The following CXCL16 variants were observed in gnomAD, a reference collection of about 807,000 sequenced individuals.
CXCL16 encodes the protein C-X-C motif chemokine ligand 16, also known as C-X-C motif chemokine 16.
In CXCL16, 18 loss-of-function variants were observed where a neutral mutation model predicts 23.8. That is an observed-to-expected ratio of 0.76 (90% CI 0.52 to 1.12). The LOEUF (loss-of-function observed/expected upper bound fraction) is 1.12, where lower values mean the gene tolerates loss of function less well. Ranked by LOEUF, CXCL16 falls within the 50% of genes most tolerant of loss-of-function variation. CXCL16 has a pLI of 0.00. For synonymous variants in CXCL16, 123 were observed against 132.5 expected (o/e 0.93, Z 0.49); for missense variants, 297 against 315.4 (o/e 0.94, Z 0.44).
chr17:4,735,240 C>T lies in CXCL16; in HGVS notation c.570G>A (p.Lys190=), dbSNP rs766507989. ...TGGGACCAGCATTTTTTTCCGGCTGCTTCTGGTTCTCCCCAGCCTCAGGCC... is the reference window on the plus strand; with the variant it reads ...TGGGACCAGCATTTTTTTCCGGCTGTTTCTGGTTCTCCCCAGCCTCAGGCC... ...AAGPEAGENQ[K]QPEKNAGPTA... The change falls in exon 4 of 6, where the codon AAG becomes AAA. Residue 190 remains lysine, a synonymous_variant. Transcript: ENST00000293778. 20 of 1,613,782 alleles carry T rather than the reference C, an allele frequency of 1.2e-5. No individual in the cohort carries two copies. Among genetic ancestry groups the T allele is most frequent in the Admixed American group, 3.3e-5 (2 of 59,932 alleles).
In CXCL16 at chr17:4,739,584, C is replaced by A; in HGVS notation, c.-245G>T. On this transcript the variant is annotated 5_prime_UTR_variant, in exon 1 of 6. Coordinates refer to ENST00000293778, the MANE Select transcript of CXCL16 (RefSeq NM_001386809.1). This position sits in a 1 kb window ranked among gnomAD's most constrained non-coding sequence, Gnocchi z 5.3. ...GGGAAAGCCGAGGAGGTGGAGCTCC[C>A]GCGCCCTGCGCCCCCGCACTGGGCC... 1.5e-6 allele frequency: 1 copy of A among 664,222 alleles called. No homozygotes were observed. The highest frequency in any genetic ancestry group is 2.1e-5 in the South Asian group (1 of 47,748). 41.1% of individuals were successfully genotyped at this position (664,222 alleles called of 1,614,324 possible). A position where few individuals can be genotyped will look rare whatever the true frequency, so the allele number is the denominator to read the frequency against.
chr17:4,735,032 C>G, intron 4 of CXCL16, 60 bp downstream of exon 4: 5 of 1,509,654 alleles, frequency 3.3e-6, no homozygotes, highest in Non-Finnish European at 4.5e-6. Context: ...GCCACTGGGT[C>G]AGGATGCCTG....
Position 4,739,292 on chromosome 17 carries a change from AAGCAGG to A in CXCL16, c.42_47del (p.Leu19_Leu20del). 1 of 1,610,516 alleles carries A rather than the reference AAGCAGG, an allele frequency of 6.2e-7. No homozygotes were observed. The highest frequency in any genetic ancestry group is 1.7e-4 in the Middle Eastern group (1 of 6,026). ...GAGTCAGGTACACCAGCAGGAGCAGAAGCAGGAGCAGGAGCACGCGGGACCCGGGCC... is the reference window on the plus strand; with the variant it reads ...GAGTCAGGTACACCAGCAGGAGCAGAAGCAGGAGCACGCGGGACCCGGGCC... On this transcript the variant is annotated inframe_deletion, in exon 1 of 6. Coordinates refer to ENST00000293778, the MANE Select transcript of CXCL16 (RefSeq NM_001386809.1). The surrounding 1 kb of genome is among the most constrained non-coding windows in gnomAD (Gnocchi z 5.3).
intron 3 of CXCL16, among the ~76,000 whole-genome samples, chr17:4,737,300 G>C (rs780770624): frequency 1.3e-5 from 2 of 151,734 alleles, no homozygotes; most frequent in Admixed American, 1.3e-4. Flanking sequence ...TCAAGAGGCC[G>C]GGCACTGCGG....
chr17:4,735,695 C>T (rs1200909337), intron 3 of CXCL16, among the ~76,000 whole-genome samples, 187 bp from the exon 4 acceptor site: 5 of 138,978 alleles, frequency 3.6e-5, no homozygotes, highest in African/African-American at 8.2e-5. Flanking sequence ...TTTTACATGA[C>T]ATAGGAACCT....
At position 4,738,728 on chromosome 17, in the gene CXCL16, A is replaced by C. The variant is rs1916239818; in HGVS notation, c.218+54T>G. On this transcript the variant is annotated intron_variant, in intron 2 of 5. Transcript: ENST00000293778. This position sits in a 1 kb window ranked among gnomAD's most constrained non-coding sequence, Gnocchi z 4.0. ...CTGGACCAGAGAGGGTCCTGGAGGC[A>C]CCTGCAAGGAGGGGCCGCCCAGGCG... The C allele has an allele frequency of 2.5e-6, 4 of 1,582,128 alleles. No individual in the cohort carries two copies. Among genetic ancestry groups the C allele is most frequent in the Non-Finnish European group, 3.5e-6 (4 of 1,155,502 alleles).
rs1916091496 is a variant in CXCL16 at position 4,734,488 on chromosome 17, CA to C, written c.*24-10del. 2.4e-6 allele frequency: 2 copies of C among 826,208 alleles called. No homozygotes were observed. The highest frequency in any genetic ancestry group is 4.0e-6 in the Non-Finnish European group (2 of 503,708). 51.2% of individuals were successfully genotyped at this position (826,208 alleles called of 1,614,324 possible). A position where few individuals can be genotyped will look rare whatever the true frequency, so the allele number is the denominator to read the frequency against. ...CAACATAGAGTCCGTCTCTAAAAAA[CA>C]AAAAACAAAAACAAGTATGTATACA... On this transcript the variant is annotated splice_polypyrimidine_tract_variant and intron_variant, in intron 5 of 5. Coordinates refer to ENST00000293778, the MANE Select transcript of CXCL16 (RefSeq NM_001386809.1).
intron 3 of CXCL16, among the ~76,000 whole-genome samples, chr17:4,737,854 A>G (rs1056794279): frequency 4.0e-5 from 6 of 151,178 alleles, no homozygotes; most frequent in Non-Finnish European, 7.4e-5. Context: ...AAAATAGGCC[A>G]GGTGTGGTGG....
At position 4,739,308 on chromosome 17, in the gene CXCL16, A is replaced by T. The variant is rs759230148; in HGVS notation, c.32T>A (p.Val11Glu). 1.9e-6 allele frequency: 3 copies of T among 1,612,132 alleles called. No individual in the cohort carries two copies. Among genetic ancestry groups the T allele is most frequent in the South Asian group, 2.2e-5 (2 of 90,696 alleles). MGRDLRPGSR[V>E]LLLLLLLLLV... ...CAGGAGCAGAAGCAGGAGCAGGAGCACGCGGGACCCGGGCCGCAAGTCCCG... is the reference window on the plus strand; with the variant it reads ...CAGGAGCAGAAGCAGGAGCAGGAGCTCGCGGGACCCGGGCCGCAAGTCCCG... The change falls in exon 1 of 6, where the codon GTG becomes GAG. Residue 11 changes from valine (V) to glutamate (E), a missense_variant. Coordinates refer to ENST00000293778, the MANE Select transcript of CXCL16 (RefSeq NM_001386809.1). The surrounding 1 kb of genome is among the most constrained non-coding windows in gnomAD (Gnocchi z 5.3).
rs1394898430 is a variant in CXCL16, at chr17:4,735,138, A to G, written c.672T>C (p.Tyr224=). Residue 224 remains tyrosine, a synonymous_variant, in exon 4 of 6, where the codon TAT becomes TAC. Coordinates refer to ENST00000293778, the MANE Select transcript of CXCL16 (RefSeq NM_001386809.1). The stretch of plus-strand genomic sequence containing the variant: ...GCCCCCTCCTCCTCTTGCACAGCAC[A>G]TAGGAAAGGGCTGCGGTGAGGATGA... ...IIFILTAALS[Y]VLCKRRRGQS... 2.5e-6 allele frequency: 4 copies of G among 1,613,952 alleles called. No homozygotes were observed. The highest frequency in any genetic ancestry group is 1.7e-4 in the Middle Eastern group (1 of 6,060).
In CXCL16 at chr17:4,734,607, C is replaced by T. The variant is rs756590769; in HGVS notation, c.764G>A (p.Ter255=). The T allele has an allele frequency of 6.2e-7, 1 of 1,610,562 alleles. No homozygotes were observed. Among genetic ancestry groups the T allele is most frequent in the South Asian group, 1.1e-5 (1 of 91,016 alleles). The part of the protein sequence containing the change: ...YIPVAPDSNT[*] ...CCCTCACAAGCTTCCATTCTTGGCT[C>T]AGGTATTAGAGTCAGGTGCCACAGG... Residue 255 remains the stop codon, a stop_retained_variant, in exon 5 of 6, where the codon TGA becomes TAA. Transcript: ENST00000293778.
chr17:4,735,610 G>A (rs150132448), intron 3 of CXCL16, 102 bp from the exon 4 acceptor site: 20 of 914,560 alleles, frequency 2.2e-5, no homozygotes, highest in African/African-American at 6.7e-5. Context: ...CTCACCCATC[G>A]CAAGGGTCAA....
At position 4,738,334 on chromosome 17, in the gene CXCL16, A is replaced by G. The variant is rs573401399; in HGVS notation, c.301+74T>C. The G allele has an allele frequency of 8.6e-6, 10 of 1,161,232 alleles. No individual in the cohort carries two copies. The South Asian group carries it at 8.7e-5, about 10-fold the overall frequency. The allele number at this position is 1,161,232 out of a possible 1,614,324, so 71.9% of individuals were successfully genotyped here. A position where few individuals can be genotyped will look rare whatever the true frequency, so the allele number is the denominator to read the frequency against. On this transcript the variant is annotated intron_variant, in intron 3 of 5. Transcript: ENST00000293778. The surrounding 1 kb of genome is among the most constrained non-coding windows in gnomAD (Gnocchi z 4.0). Reference sequence around the variant, plus strand: ...TGTGCGGCCCCAGGGGAAAAGGCTCAGGTAAAGAAAACTGTCAGGTGGAAG... The same window carrying G: ...TGTGCGGCCCCAGGGGAAAAGGCTCGGGTAAAGAAAACTGTCAGGTGGAAG...
At position 4,739,821 on chromosome 17, in the gene CXCL16, G is replaced by T; in HGVS notation, c.-482C>A. On this transcript the variant is annotated 5_prime_UTR_variant, in exon 1 of 6. Transcript: ENST00000293778. This position sits in a 1 kb window ranked among gnomAD's most constrained non-coding sequence, Gnocchi z 5.3. ...GCACTTTCACTTCCCCGATCCGGGC[G>T]CCGCGGGACCCAGCCGCGCTGCATG... The T allele has an allele frequency of 1.0e-6, 1 of 993,152 alleles. No individual in the cohort carries two copies. The highest frequency in any genetic ancestry group is 1.2e-6 in the Non-Finnish European group (1 of 834,800). The allele number at this position is 993,152 out of a possible 1,614,324, so 61.5% of individuals were successfully genotyped here.
Position 4,738,562 on chromosome 17 carries a change from C to T in CXCL16, c.219-72G>A. 2 of 1,244,142 alleles carry T rather than the reference C, an allele frequency of 1.6e-6. No individual in the cohort carries two copies. The highest frequency in any genetic ancestry group is 1.1e-6 in the Non-Finnish European group (1 of 870,960). The allele number at this position is 1,244,142 out of a possible 1,614,324, so 77.1% of individuals were successfully genotyped here. On this transcript the variant is annotated intron_variant, in intron 2 of 5. Coordinates refer to ENST00000293778, the MANE Select transcript of CXCL16 (RefSeq NM_001386809.1). This position sits in a 1 kb window ranked among gnomAD's most constrained non-coding sequence, Gnocchi z 4.0. ...CCCGGCTCCTTCCTCATTCCAGAGG[C>T]GTGAAGTTGCCACCAAGAAAGAGCC...
In CXCL16 at chr17:4,738,913, G is replaced by A. The variant is rs768478989; in HGVS notation, c.87C>T (p.Gly29=). The change falls in exon 2 of 6, where the codon GGC becomes GGT. Residue 29 remains glycine (G), a synonymous_variant. Transcript: ENST00000293778. The surrounding 1 kb of genome is among the most constrained non-coding windows in gnomAD (Gnocchi z 4.0). Reference sequence around the variant, plus strand: ...AACTTCCAGTGACGCTGCCCTCGTTGCCATTGCCTGCGCGGGACGGAGGTG... The same window carrying A: ...AACTTCCAGTGACGCTGCCCTCGTTACCATTGCCTGCGCGGGACGGAGGTG... ...LLVYLTQPGN[G]NEGSVTGSCY... 2 of 1,613,822 alleles carry A rather than the reference G, an allele frequency of 1.2e-6. No individual in the cohort carries two copies. The highest frequency in any genetic ancestry group is 1.7e-5 in the Admixed American group (1 of 59,992).
Position 4,735,114 on chromosome 17 carries a change from C to T in CXCL16, c.696G>A (p.Gly232=). The T allele has an allele frequency of 6.2e-7, 1 of 1,610,342 alleles. No homozygotes were observed. Among genetic ancestry groups the T allele is most frequent in the African/African-American group, 1.3e-5 (1 of 74,978 alleles). The change falls in exon 4 of 6, where the codon GGG becomes GGA. Residue 232 remains glycine, a synonymous_variant. Transcript: ENST00000293778. ...LSYVLCKRRR[G]QSPQSSPDLP... ...TACCTGGAGAGGACTGCGGTGACTG[C>T]CCCCTCCTCCTCTTGCACAGCACAT...
In CXCL16 at chr17:4,735,107, G is replaced by A; in HGVS notation, c.703C>T (p.Pro235Ser). 1.2e-6 allele frequency: 2 copies of A among 1,609,678 alleles called. No individual in the cohort carries two copies. The highest frequency in any genetic ancestry group is 1.7e-6 in the Non-Finnish European group (2 of 1,176,794). The change falls in exon 4 of 6, where the codon CCG becomes TCG. Residue 235 changes from proline (P) to serine (S), a missense_variant. Pro to Ser is a moderately conservative substitution (Grantham distance 74). Coordinates refer to ENST00000293778, the MANE Select transcript of CXCL16 (RefSeq NM_001386809.1). The part of the protein sequence containing the change: ...VLCKRRRGQS[P>S]QSSPDLPVHY... ...TCCAGTTTACCTGGAGAGGACTGCGGTGACTGCCCCCTCCTCCTCTTGCAC... is the reference window on the plus strand; with the variant it reads ...TCCAGTTTACCTGGAGAGGACTGCGATGACTGCCCCCTCCTCCTCTTGCAC...
At chr17:4,736,870 G>A (rs1352455400) in intron 3 of CXCL16, among the ~76,000 whole-genome samples, 2 of 152,138 alleles carry the variant, frequency 1.3e-5, no homozygotes, top group African/African-American at 4.8e-5. Flanking sequence ...CCAGGCTGGA[G>A]TGCAATGGCC....
Sources: gnomAD v4.1 joint callset for allele counts (sites outside exome capture counted in the v4.1 genomes callset) on GRCh38, gnomAD v4.1.1 for gene constraint, Gnocchi (gnomAD v3.1) non-coding constraint, MANE v1.5 for transcripts, NCBI Gene and HGNC (gene_info 2026-07-23, HGNC 2026-07-21) for gene names.